The following DAGLB variants were observed in gnomAD, a reference collection of about 807,000 sequenced individuals.
The protein encoded by DAGLB is diacylglycerol lipase beta, also known as diacylglycerol lipase-beta.
DAGLB carries 66 observed loss-of-function variants against 72.1 expected under a neutral mutation model. The observed-to-expected ratio is 0.92, with a 90% CI of 0.75 to 1.12. DAGLB has a LOEUF of 1.12. Ranked by LOEUF, DAGLB falls within the 50% of genes most tolerant of loss-of-function variation. The pLI, the probability that DAGLB is intolerant of heterozygous loss-of-function variation, is 0.00. For synonymous variants in DAGLB, 414 were observed against 359.5 expected, an observed-to-expected ratio of 1.15 and a Z score of -1.71; for missense variants, 1,065 against 884.9, an observed-to-expected ratio of 1.20 and a Z score of -2.58.
chr7:6,436,765 T>TA (rs1463343817), intron 2 of DAGLB, among the ~76,000 whole-genome samples: 2 of 152,096 alleles, frequency 1.3e-5, no homozygotes, highest in African/African-American at 4.8e-5. Context: ...TAGCAGGGAT[T>TA]AAAAACACTT....
intron 2 of DAGLB, among the ~76,000 whole-genome samples, chr7:6,438,786 T>A (rs1299848493): frequency 6.6e-6 from 1 of 152,072 alleles, no homozygotes; most frequent in Non-Finnish European, 1.5e-5. Context: ...GGCAGGAGGA[T>A]TGCTTGAGCC....
chr7:6,434,442 C>T (rs836534), intron 4 of DAGLB, among the ~76,000 whole-genome samples: 83,483 of 151,966 alleles, frequency 0.55, 24,735 homozygotes, highest in East Asian at 0.82. Context: ...ATCTGCTCAA[C>T]AGCAGCTGCA....
chr7:6,426,356 G>A (rs557445431), intron 6 of DAGLB, among the ~76,000 whole-genome samples: 4 of 152,290 alleles, frequency 2.6e-5, no homozygotes, highest in South Asian at 2.1e-4. Flanking sequence ...CGCAACCTCC[G>A]CCTCCCAGGT....
At chr7:6,428,401 AG>A (rs2115269411) in intron 6 of DAGLB, among the ~76,000 whole-genome samples, 1 of 151,920 alleles carries the variant, frequency 6.6e-6, no homozygotes, top group Non-Finnish European at 1.5e-5. Context: ...GATTCAGACA[AG>A]AATCAATGGA....
intron 5 of DAGLB, among the ~76,000 whole-genome samples, chr7:6,431,259 C>T (rs1425357291): frequency 6.6e-6 from 1 of 151,984 alleles, no homozygotes; most frequent in African/African-American, 2.4e-5. Context: ...TAACCCGGAG[C>T]AGCGAAGATA....
intron 4 of DAGLB, among the ~76,000 whole-genome samples, chr7:6,433,798 G>A (rs1302742284): frequency 2.0e-5 from 3 of 151,082 alleles, no homozygotes; most frequent in Admixed American, 1.3e-4. Flanking sequence ...TGGAGGTTGT[G>A]CCAAGATGGC....
intron 5 of DAGLB, among the ~76,000 whole-genome samples, chr7:6,431,864 C>A (rs1449713574): frequency 6.6e-6 from 1 of 152,196 alleles, no homozygotes; most frequent in Non-Finnish European, 1.5e-5. Flanking sequence ...AGATGCCTCA[C>A]CTGACAGGTG....
intron 6 of DAGLB, among the ~76,000 whole-genome samples, chr7:6,429,541 C>T (rs1784412946): frequency 6.6e-6 from 1 of 151,708 alleles, no homozygotes; most frequent in African/African-American, 2.4e-5. Context: ...GCAGGCAGAT[C>T]ACTTGAGGTC....
chr7:6,409,493 G>T lies in DAGLB; in HGVS notation c.*344C>A. The T allele has an allele frequency of 3.0e-6, 1 of 329,166 alleles. No homozygotes were observed. The highest frequency in any genetic ancestry group is 5.7e-6 in the Non-Finnish European group (1 of 175,192). The allele number at this position is 329,166 out of a possible 1,614,324, so 20.4% of individuals were successfully genotyped here. A position where few individuals can be genotyped will look rare whatever the true frequency, so the allele number is the denominator to read the frequency against. ...CTTGGGGGTGGGAGGCTAAGGAACT[G>T]TTCACGGTCTTCTGGGTGGGCCCTG... is the stretch of plus-strand genomic sequence containing the variant. On this transcript the variant is annotated 3_prime_UTR_variant, in exon 15 of 15. Coordinates refer to ENST00000297056, the MANE Select transcript of DAGLB (RefSeq NM_139179.4).
At chr7:6,441,421 C>CT (rs777739932) in intron 2 of DAGLB, among the ~76,000 whole-genome samples, 378 of 106,264 alleles carry the variant, frequency 3.6e-3, no homozygotes, top group African/African-American at 6.1e-3. Flanking sequence ...ACATTTTTTT[C>CT]TTTTTTTTTT....
chr7:6,438,958 C>T (rs918403042), intron 2 of DAGLB, among the ~76,000 whole-genome samples: 3 of 151,980 alleles, frequency 2.0e-5, no homozygotes, highest in Non-Finnish European at 2.9e-5. Context: ...CGGTGGCTCA[C>T]GCCTGTAATC....
intron 9 of DAGLB, among the ~76,000 whole-genome samples, chr7:6,420,849 G>A (rs1784090705): frequency 6.6e-6 from 1 of 152,214 alleles, no homozygotes; most frequent in African/African-American, 2.4e-5. Context: ...GCATGAAACT[G>A]TAAGCCTGGC....
intron 8 of DAGLB, 158 bp from the exon 9 acceptor site, chr7:6,421,962 AC>A: frequency 1.2e-6 from 1 of 823,614 alleles, no homozygotes; most frequent in Non-Finnish European, 2.0e-6. Flanking sequence ...AAAGAGGGAA[AC>A]CCAGCGGTGG....
chr7:6,446,590 C>T (rs866092867), intron 1 of DAGLB, among the ~76,000 whole-genome samples: 1 of 149,984 alleles, frequency 6.7e-6, no homozygotes, highest in Non-Finnish European at 1.5e-5. Context: ...GAGACAGGGT[C>T]TTGCTATGTT....
rs185577736 is a variant in DAGLB at position 6,412,162 on chromosome 7, C to T, written c.1569+649G>A. On this transcript the variant is annotated intron_variant, in intron 13 of 14. Coordinates refer to ENST00000297056, the MANE Select transcript of DAGLB (RefSeq NM_139179.4). Reference sequence around the variant, plus strand: ...TCTCCTGACTCAGGTGATCTGCCTGCCTTAGCCTCCCAAAGGGCTGGGATT... The same window carrying T: ...TCTCCTGACTCAGGTGATCTGCCTGTCTTAGCCTCCCAAAGGGCTGGGATT... 2.7e-3 allele frequency among the ~76,000 whole-genome samples: 415 copies of T among 152,284 alleles called. 1 individual carries two copies. The highest frequency in any genetic ancestry group is 6.4e-3 in the African/African-American group (268 of 41,564).
Position 6,435,006 on chromosome 7 carries a change from G to A in DAGLB, c.434C>T (p.Ala145Val). The A allele has an allele frequency of 1.2e-6, 2 of 1,613,520 alleles. No homozygotes were observed. The highest frequency in any genetic ancestry group is 2.2e-5 in the South Asian group (2 of 91,044). ...AATGATAATGGAAACCACTGTGGCAGCGATGATGATCCAACTGCAAGACAG... is the reference window on the plus strand; with the variant it reads ...AATGATAATGGAAACCACTGTGGCAACGATGATGATCCAACTGCAAGACAG... The part of the protein sequence containing the change: ...ATVVVSWIII[A>V]ATVVSIIIVF... Residue 145 changes from alanine (A) to valine (V), a missense_variant, in exon 4 of 15, where the codon GCT becomes GTT. Ala to Val is a moderately conservative substitution (Grantham distance 64, BLOSUM62 0). Transcript: ENST00000297056.
At chr7:6,411,692 G>C (rs530149638) in intron 13 of DAGLB, among the ~76,000 whole-genome samples, 15 of 152,098 alleles carry the variant, frequency 9.9e-5, no homozygotes, top group Non-Finnish European at 2.1e-4. Context: ...TTCTGATTAG[G>C]AACAAAACCA....
intron 11 of DAGLB, 115 bp downstream of exon 11, chr7:6,416,512 C>G: frequency 6.8e-7 from 1 of 1,471,762 alleles, no homozygotes; most frequent in South Asian, 1.4e-5. Flanking sequence ...CACTGCACTC[C>G]AGCCTGGGCG....
intron 9 of DAGLB, among the ~76,000 whole-genome samples, chr7:6,418,257 A>G (rs897348210): frequency 4.0e-5 from 6 of 151,626 alleles, no homozygotes; most frequent in Admixed American, 3.9e-4. Context: ...TAATTCCAAC[A>G]CTTTGGGAGG....
Sources: allele counts gnomAD v4.1 joint callset (sites outside exome capture counted in the v4.1 genomes callset), GRCh38; gene constraint gnomAD v4.1.1; transcripts MANE v1.5; gene names NCBI Gene and HGNC (gene_info 2026-07-23, HGNC 2026-07-21).